The following SORCS2 variants were observed in gnomAD, a reference collection of about 807,000 sequenced individuals.
The protein encoded by SORCS2 is VPS10 domain-containing receptor SorCS2.
Under a neutral mutation model 141.6 loss-of-function variants are expected in SORCS2, and 100 were observed. The ratio of observed to expected loss-of-function variants is 0.71; its 90% confidence interval spans 0.60 to 0.83. SORCS2 has a LOEUF of 0.83. Among genes scored for constraint, SORCS2 ranks in the 40% least tolerant of loss-of-function variants. SORCS2 has a pLI of 0.00. For missense variants in SORCS2, 1,646 were observed against 1,560.2 expected, an observed-to-expected ratio of 1.05 and a Z score of -0.93; for synonymous variants, 789 against 676.9, an observed-to-expected ratio of 1.17 and a Z score of -2.57.
At chr4:7,444,612 C>G (rs13147605) in intron 2 of SORCS2, among the ~76,000 whole-genome samples, 124,515 of 152,162 alleles carry the variant, frequency 0.82, 51,073 homozygotes, top group South Asian at 0.96. Flanking sequence ...GTGGACTCTG[C>G]TTCTTCCTCT....
chr4:7,296,773 C>A (rs563667130), intron 1 of SORCS2, among the ~76,000 whole-genome samples: 1 of 152,318 alleles, frequency 6.6e-6, no homozygotes, highest in South Asian at 2.1e-4. Context: ...GAGAAGACAT[C>A]AGACTCTTTC....
intron 2 of SORCS2, chr4:7,434,118 A>C (rs1560281637): frequency 6.2e-7 from 1 of 1,612,788 alleles, no homozygotes; most frequent in Middle Eastern, 1.7e-4. Flanking sequence ...CTAGCTCCTC[A>C]CAGAATCCCC....
At chr4:7,346,204 C>T (rs1720647258) in intron 1 of SORCS2, among the ~76,000 whole-genome samples, 1 of 152,080 alleles carries the variant, frequency 6.6e-6, no homozygotes, top group Non-Finnish European at 1.5e-5. Context: ...TAAATTTCCC[C>T]CTTTGCACTG....
chr4:7,562,608 C>T (rs979319818), intron 3 of SORCS2, among the ~76,000 whole-genome samples: 1 of 152,200 alleles, frequency 6.6e-6, no homozygotes, highest in African/African-American at 2.4e-5. Context: ...ATACAACCTG[C>T]ATCTGTGTCC....
chr4:7,289,644 A>G (rs1716477495), intron 1 of SORCS2, among the ~76,000 whole-genome samples: 1 of 152,162 alleles, frequency 6.6e-6, no homozygotes, highest in Non-Finnish European at 1.5e-5. Context: ...CAAAGGTAAA[A>G]TATCACAATT....
intron 19 of SORCS2, among the ~76,000 whole-genome samples, chr4:7,724,485 G>GATGGTC (rs200024788): frequency 2.0e-5 from 3 of 147,718 alleles, no homozygotes; most frequent in African/African-American, 5.1e-5. Flanking sequence ...TGGTGGTGAT[G>GATGGTC]GTGGTGGTGG....
intron 1 of SORCS2, among the ~76,000 whole-genome samples, chr4:7,327,703 G>A (rs570534700): frequency 1.3e-5 from 2 of 152,136 alleles, no homozygotes; most frequent in African/African-American, 2.4e-5. Flanking sequence ...GTGCAGACCC[G>A]TCAGACCCTT....
intron 1 of SORCS2, among the ~76,000 whole-genome samples, chr4:7,305,970 C>T (rs1487654498): frequency 1.6e-4 from 24 of 152,222 alleles, no homozygotes; most frequent in Non-Finnish European, 1.5e-5. Flanking sequence ...GCAGAAGATC[C>T]TGTGTGCCTT....
rs541432150 is a variant in SORCS2, at chr4:7,595,781, T to C, written c.649-42547T>C. On this transcript the variant is annotated intron_variant, in intron 3 of 26. Transcript: ENST00000507866. ...CATCAACCTGGATGGGTAGGGACAG[T>C]GGTTCTGACTCTAGTATTAATGCAT... Among the ~76,000 whole-genome samples, 7 of 152,318 alleles carry C rather than the reference T, an allele frequency of 4.6e-5. No homozygotes were observed. The South Asian group carries it at 1.5e-3, about 32-fold the overall frequency.
At chr4:7,652,091 CT>C (rs1365375455) in intron 4 of SORCS2, among the ~76,000 whole-genome samples, 1 of 152,184 alleles carries the variant, frequency 6.6e-6, no homozygotes, top group Non-Finnish European at 1.5e-5. Context: ...GTCCCACCCC[CT>C]GGCATGGTGG....
At chr4:7,362,747 T>G (rs1194817213) in intron 1 of SORCS2, among the ~76,000 whole-genome samples, 4 of 150,862 alleles carry the variant, frequency 2.7e-5, no homozygotes, top group Non-Finnish European at 5.9e-5. Flanking sequence ...TCATCACCAC[T>G]AACATCACCA....
intron 2 of SORCS2, among the ~76,000 whole-genome samples, chr4:7,509,663 C>T (rs759687096): frequency 4.6e-5 from 7 of 152,170 alleles, no homozygotes; most frequent in Non-Finnish European, 8.8e-5. Flanking sequence ...AGGAAGGCCA[C>T]GTAGAGTGGG....
Position 7,233,917 on chromosome 4 carries a change from G to A in SORCS2, c.480+40791G>A, listed in dbSNP as rs1274617946. On this transcript the variant is annotated intron_variant, in intron 1 of 26. Transcript: ENST00000507866. The surrounding 1 kb of genome is among the most constrained non-coding windows in gnomAD (Gnocchi z 4.5). ...ATCCCCTTCTCTGGTCTCAGTTTCC[G>A]CATCTGTAAAAGGAGGCTGTTGGGC... Among the ~76,000 whole-genome samples, 4 of 152,140 alleles carry A rather than the reference G, an allele frequency of 2.6e-5. No individual in the cohort carries two copies. The highest frequency in any genetic ancestry group is 4.1e-4 in the South Asian group (2 of 4,828).
rs1725417883 is a variant in SORCS2 at position 7,706,055 on chromosome 4, C to CCTGGGCAGGGATGAGGCTGGGCTCTGT, written c.1868+1797_1868+1798insTCTGGGCAGGGATGAGGCTGGGCTCTG. 6.5e-4 allele frequency among the ~76,000 whole-genome samples: 46 copies of CCTGGGCAGGGATGAGGCTGGGCTCTGT among 70,356 alleles called. No individual in the cohort carries two copies. The East Asian group carries it at 7.3e-3, about 11-fold the overall frequency. 46.2% of individuals were successfully genotyped at this position (70,356 alleles called of 152,430 possible). A position where few individuals can be genotyped will look rare whatever the true frequency, so the allele number is the denominator to read the frequency against. The stretch of plus-strand genomic sequence containing the variant: ...TGGGCAGGGATGAGGCTGGGCTCCG[C>CCTGGGCAGGGATGAGGCTGGGCTCTGT]CTGGGCAGGGATGAGGCTGGGCTCT... On this transcript the variant is annotated intron_variant, in intron 14 of 26. Coordinates refer to ENST00000507866, the MANE Select transcript of SORCS2 (RefSeq NM_020777.3).
At chr4:7,412,741 AC>A (rs1335001470) in intron 2 of SORCS2, among the ~76,000 whole-genome samples, 2 of 151,332 alleles carry the variant, frequency 1.3e-5, no homozygotes, top group South Asian at 2.1e-4. Context: ...CTCCCCAAGC[AC>A]CCTTGCTGCT....
intron 2 of SORCS2, among the ~76,000 whole-genome samples, chr4:7,499,143 A>T (rs1422468727): frequency 9.6e-6 from 1 of 103,840 alleles, no homozygotes; most frequent in Non-Finnish European, 1.9e-5. Context: ...GAGTGGGCAA[A>T]TGTAGCACGA....
chr4:7,305,273 T>A (rs538158180), intron 1 of SORCS2, among the ~76,000 whole-genome samples: 1 of 151,954 alleles, frequency 6.6e-6, no homozygotes, highest in Non-Finnish European at 1.5e-5. Flanking sequence ...CCTCGTGATC[T>A]GCCCGCCTCG....
chr4:7,610,966 C>T (rs941311015), intron 3 of SORCS2, among the ~76,000 whole-genome samples: 2 of 152,162 alleles, frequency 1.3e-5, no homozygotes, highest in African/African-American at 4.8e-5. Flanking sequence ...ATCAACATCT[C>T]CAGGCATCAG....
intron 1 of SORCS2, among the ~76,000 whole-genome samples, chr4:7,343,642 C>T (rs2108993430): frequency 6.6e-6 from 1 of 152,328 alleles, no homozygotes; most frequent in African/African-American, 2.4e-5. Context: ...TGTTTTCTAC[C>T]TGGGTGACCC....
Sources: allele counts gnomAD v4.1 joint callset (sites outside exome capture counted in the v4.1 genomes callset), GRCh38; gene constraint gnomAD v4.1.1; non-coding constraint Gnocchi (gnomAD v3.1); transcripts MANE v1.5; gene names NCBI Gene and HGNC (gene_info 2026-07-23, HGNC 2026-07-21).